The following CSMD1 variants were observed in gnomAD, a reference collection of about 807,000 sequenced individuals.
CSMD1 encodes CUB and sushi domain-containing protein 1.
Under a neutral mutation model 417.5 loss-of-function variants are expected in CSMD1, and 213 were observed. That is an observed-to-expected ratio of 0.51 (90% CI 0.46 to 0.57). The LOEUF is 0.57. CSMD1 is among the 20% of genes least tolerant of loss of function. The pLI, the probability that CSMD1 is intolerant of heterozygous loss-of-function variation, is 0.00. For synonymous variants in CSMD1, 2,862 were observed against 1,736.8 expected, an observed-to-expected ratio of 1.65 and a Z score of -16.11; for missense variants, 6,923 against 4,529.7, an observed-to-expected ratio of 1.53 and a Z score of -15.17.
At chr8:4,457,304 G>C (rs946608811) in intron 2 of CSMD1, among the ~76,000 whole-genome samples, 1 of 152,086 alleles carries the variant, frequency 6.6e-6, no homozygotes, top group Non-Finnish European at 1.5e-5. Context: ...ATCTTTCTAA[G>C]ACTACTTTTG....
intron 34 of CSMD1, 83 bp from the exon 35 acceptor site, chr8:3,189,094 C>A: frequency 7.7e-7 from 1 of 1,292,156 alleles, no homozygotes; most frequent in Admixed American, 2.2e-5. Flanking sequence ...CACTGTGTGA[C>A]CACACAGTAA....
chr8:3,528,961 G>A (rs538985220), intron 10 of CSMD1, among the ~76,000 whole-genome samples: 1 of 152,264 alleles, frequency 6.6e-6, no homozygotes, highest in South Asian at 2.1e-4. Context: ...CCAGTGAAAA[G>A]TATGACAGTT....
rs932598622 is a variant in CSMD1, at chr8:3,919,595, C to G, written c.818+78308G>C. Among the ~76,000 whole-genome samples, 2 of 152,040 alleles carry G rather than the reference C, an allele frequency of 1.3e-5. 1 individual carries two copies. The highest frequency in any genetic ancestry group is 2.9e-5 in the Non-Finnish European group (2 of 68,002). On this transcript the variant is annotated intron_variant, in intron 5 of 69. Coordinates refer to ENST00000635120, the MANE Select transcript of CSMD1 (RefSeq NM_033225.6). Reference sequence around the variant, plus strand: ...TGCCTTCAGCTGTGTTATTCTTGCTCAAGATTGCTTTGGTTATCTCTGGTC... The same window carrying G: ...TGCCTTCAGCTGTGTTATTCTTGCTGAAGATTGCTTTGGTTATCTCTGGTC...
intron 5 of CSMD1, among the ~76,000 whole-genome samples, chr8:3,843,538 A>G (rs1230738850): frequency 6.8e-6 from 1 of 146,486 alleles, no homozygotes; most frequent in Non-Finnish European, 1.5e-5. Flanking sequence ...ATATAAAAGT[A>G]AAAAAAAAAC....
At chr8:4,671,678 ATAGATT>A (rs1473196989) in intron 1 of CSMD1, among the ~76,000 whole-genome samples, 2 of 152,160 alleles carry the variant, frequency 1.3e-5, no homozygotes, top group African/African-American at 4.8e-5. Context: ...GATTCAGTTT[ATAGATT>A]TATTTTTTCT....
At chr8:4,763,502 A>T (rs752930049) in intron 1 of CSMD1, among the ~76,000 whole-genome samples, 2 of 152,138 alleles carry the variant, frequency 1.3e-5, no homozygotes, top group East Asian at 3.9e-4. Flanking sequence ...TTTATTGATG[A>T]CTTCTTATAA....
At chr8:4,224,144 G>C (rs1249590044) in intron 3 of CSMD1, among the ~76,000 whole-genome samples, 1 of 152,036 alleles carries the variant, frequency 6.6e-6, no homozygotes, top group East Asian at 1.9e-4. Context: ...ACTTAACTTT[G>C]TTTCGCTTAC....
At chr8:3,176,612 C>A (rs1820951222) in intron 37 of CSMD1, among the ~76,000 whole-genome samples, 1 of 152,128 alleles carries the variant, frequency 6.6e-6, no homozygotes. Flanking sequence ...ATGCAAAAAT[C>A]CCATCCACTT....
intron 12 of CSMD1, among the ~76,000 whole-genome samples, chr8:3,454,347 C>T (rs906591917): frequency 2.0e-5 from 3 of 152,146 alleles, no homozygotes; most frequent in Non-Finnish European, 4.4e-5. Context: ...GAATTTGATT[C>T]AGTTATTATG....
In CSMD1 at chr8:3,000,171, T is replaced by C. The variant is rs760894992; in HGVS notation, c.8030-40A>G. 4 of 1,460,002 alleles carry C rather than the reference T, an allele frequency of 2.7e-6. No homozygotes were observed. The Admixed American group carries it at 6.0e-5, about 22-fold the overall frequency. The allele number at this position is 1,460,002 out of a possible 1,614,324, so 90.4% of individuals were successfully genotyped here. On this transcript the variant is annotated intron_variant, in intron 52 of 69. Transcript: ENST00000635120. ...CCAATTTTAAAATTTAGAGTGTCTG[T>C]CATTTATAAAAGTAGTACATTCACA...
chr8:4,145,404 T>C (rs1321267886), intron 3 of CSMD1, among the ~76,000 whole-genome samples: 3 of 151,132 alleles, frequency 2.0e-5, no homozygotes, highest in African/African-American at 4.9e-5. Context: ...CTTTGGGCAA[T>C]TGTGACTTAA....
intron 29 of CSMD1, among the ~76,000 whole-genome samples, chr8:3,218,342 A>G (rs1461722006): frequency 1.3e-5 from 2 of 151,308 alleles, no homozygotes; most frequent in Non-Finnish European, 2.9e-5. Flanking sequence ...TGGGAGGATC[A>G]TGAGGTCAGG....
At chr8:3,481,486 G>A (rs944679677) in intron 11 of CSMD1, among the ~76,000 whole-genome samples, 1 of 152,166 alleles carries the variant, frequency 6.6e-6, no homozygotes, top group Non-Finnish European at 1.5e-5. Context: ...CGCATTAGTT[G>A]TAGTAAGATA....
At position 3,396,188 on chromosome 8, in the gene CSMD1, A is replaced by G; in HGVS notation, c.2593+6T>C. 1.9e-6 allele frequency: 3 copies of G among 1,555,890 alleles called. No individual in the cohort carries two copies. The highest frequency in any genetic ancestry group is 2.6e-6 in the Non-Finnish European group (3 of 1,149,892). On this transcript the variant is annotated splice_donor_region_variant and intron_variant, in intron 17 of 69. Coordinates refer to ENST00000635120, the MANE Select transcript of CSMD1 (RefSeq NM_033225.6). ...TGCCGGGCTGTCAAGGGAAGGTGCA[A>G]CTCACTCTCATAGTGGATGAGGAAG... is the stretch of plus-strand genomic sequence containing the variant.
At chr8:4,819,438 C>A (rs906384935) in intron 1 of CSMD1, among the ~76,000 whole-genome samples, 2 of 150,138 alleles carry the variant, frequency 1.3e-5, no homozygotes, top group Non-Finnish European at 2.9e-5. Flanking sequence ...AATTTCCCAA[C>A]TGACTTATAG....
rs562941551 is a variant in CSMD1 at position 3,985,876 on chromosome 8, T to C, written c.818+12027A>G. Reference sequence around the variant, plus strand: ...CTGTCTGAGCATCAGATAATTTTTCTTCCCAATTCATCGTGCACTCTTACT... The same window carrying C: ...CTGTCTGAGCATCAGATAATTTTTCCTCCCAATTCATCGTGCACTCTTACT... On this transcript the variant is annotated intron_variant, in intron 5 of 69. Transcript: ENST00000635120. 3.9e-5 allele frequency among the ~76,000 whole-genome samples: 6 copies of C among 152,112 alleles called. No homozygotes were observed. The East Asian group carries it at 9.7e-4, about 25-fold the overall frequency.
chr8:3,919,474 T>C (rs1809075776), intron 5 of CSMD1, among the ~76,000 whole-genome samples: 1 of 152,148 alleles, frequency 6.6e-6, no homozygotes, highest in African/African-American at 2.4e-5. Flanking sequence ...TGGCTTTCTA[T>C]TCTGTATTAT....
intron 2 of CSMD1, among the ~76,000 whole-genome samples, chr8:4,547,637 A>G (rs1797692750): frequency 6.6e-6 from 1 of 152,322 alleles, no homozygotes; most frequent in Non-Finnish European, 1.5e-5. Context: ...AGACTTAAAC[A>G]TTATACTCAA....
intron 7 of CSMD1, among the ~76,000 whole-genome samples, chr8:3,690,265 G>A (rs576411076): frequency 6.6e-6 from 1 of 152,308 alleles, no homozygotes; most frequent in East Asian, 1.9e-4. Context: ...AGGAGGCTGA[G>A]TCAGAAGGAT....
Sources: allele counts gnomAD v4.1 joint callset (sites outside exome capture counted in the v4.1 genomes callset), GRCh38; gene constraint gnomAD v4.1.1; transcripts MANE v1.5; gene names NCBI Gene and HGNC (gene_info 2026-07-23, HGNC 2026-07-21).